The following SERINC5 variants were observed in gnomAD, a reference collection of about 807,000 sequenced individuals.
SERINC5 encodes serine incorporator 5.
In SERINC5, 41 loss-of-function variants were observed where a neutral mutation model predicts 63.1. The ratio of observed to expected loss-of-function variants is 0.65; its 90% confidence interval spans 0.51 to 0.84. The LOEUF (loss-of-function observed/expected upper bound fraction) is 0.84. Among genes scored for constraint, SERINC5 ranks in the 40% least tolerant of loss-of-function variants. SERINC5 has a pLI of 0.00. For missense variants in SERINC5, 523 were observed against 573.0 expected, an observed-to-expected ratio of 0.91 and a Z score of 0.89; for synonymous variants, 222 against 215.2, an observed-to-expected ratio of 1.03 and a Z score of -0.28.
intron 2 of SERINC5, among the ~76,000 whole-genome samples, chr5:80,192,508 A>T (rs1749250227): frequency 6.6e-6 from 1 of 151,982 alleles, no homozygotes; most frequent in African/African-American, 2.4e-5. Flanking sequence ...ATGGGGTGGG[A>T]AGGAATGGAG....
chr5:80,207,103 A>G (rs902655078), intron 1 of SERINC5, among the ~76,000 whole-genome samples: 1 of 152,010 alleles, frequency 6.6e-6, no homozygotes, highest in Non-Finnish European at 1.5e-5. Flanking sequence ...GGTTCACACC[A>G]TTCTCCTGCC....
chr5:80,232,255 A>T lies in SERINC5; in HGVS notation c.27+23641T>A, dbSNP rs1580200491. The stretch of plus-strand genomic sequence containing the variant: ...CTGTCTCTACTAAAAATACAAAAAA[A>T]AAGCCGGGCGTGGTGGCAGGCCCCT... On this transcript the variant is annotated intron_variant, in intron 1 of 11. Coordinates refer to ENST00000507668, the MANE Select transcript of SERINC5 (RefSeq NM_001174072.3). Among the ~76,000 whole-genome samples, 3 of 150,038 alleles carry T rather than the reference A, an allele frequency of 2.0e-5. No individual in the cohort carries two copies. The East Asian group carries it at 6.0e-4, about 30-fold the overall frequency.
At chr5:80,221,258 G>T (rs1750891446) in intron 1 of SERINC5, among the ~76,000 whole-genome samples, 1 of 152,148 alleles carries the variant, frequency 6.6e-6, no homozygotes, top group African/African-American at 2.4e-5. Flanking sequence ...CCGACAGCAG[G>T]CACATTTAAC....
intron 2 of SERINC5, among the ~76,000 whole-genome samples, chr5:80,181,416 T>TTTGTGTGTGTGTGTGTGTGTG: frequency 6.9e-6 from 1 of 145,446 alleles, no homozygotes; most frequent in South Asian, 2.3e-4. Context: ...TCAGCTAATT[T>TTTGTGTGTGTGTGTGTGTGTG]TGTGTGTGTG....
chr5:80,207,470 A>G (rs553405580), intron 1 of SERINC5, among the ~76,000 whole-genome samples: 1 of 152,342 alleles, frequency 6.6e-6, no homozygotes, highest in African/African-American at 2.4e-5. Context: ...AGATACAAAC[A>G]TCACTGTGAG....
downstream of SERINC5, among the ~76,000 whole-genome samples, chr5:80,136,278 A>G (rs1009591593): frequency 7.4e-6 from 1 of 135,930 alleles, no homozygotes; most frequent in African/African-American, 3.0e-5. Context: ...CCTCGTCTCA[A>G]AAAAACAAAA....
At chr5:80,164,355 T>A (rs1360764674) in intron 7 of SERINC5, among the ~76,000 whole-genome samples, 1 of 151,678 alleles carries the variant, frequency 6.6e-6, no homozygotes, top group African/African-American at 2.4e-5. Context: ...GAGGGGGGTC[T>A]TTATTTTATT....
chr5:80,166,566 T>C, intron 6 of SERINC5, 88 bp from the exon 7 acceptor site: 4 of 773,346 alleles, frequency 5.2e-6, no homozygotes, highest in Non-Finnish European at 8.6e-6. Context: ...CCCATGACAG[T>C]CCTCAAACTT....
At chr5:80,136,724 T>A (rs1745192277), downstream of SERINC5, among the ~76,000 whole-genome samples, 1 of 152,200 alleles carries the variant, frequency 6.6e-6, no homozygotes, top group African/African-American at 2.4e-5. Context: ...ATATTCAAGA[T>A]ATATAAGAAA....
intron 1 of SERINC5, among the ~76,000 whole-genome samples, chr5:80,236,985 C>G (rs7737310): frequency 1.3e-5 from 2 of 151,974 alleles, no homozygotes; most frequent in Middle Eastern, 3.2e-3. Flanking sequence ...GCCATCATGC[C>G]GGGCTAACTT....
rs551932073 is a variant in SERINC5 at position 80,154,371 on chromosome 5, G to T, written c.987-3423C>A. On this transcript the variant is annotated intron_variant, in intron 8 of 11. Coordinates refer to ENST00000507668, the MANE Select transcript of SERINC5 (RefSeq NM_001174072.3). The stretch of plus-strand genomic sequence containing the variant: ...ATTTTGTATTTTTAGTACAGATGGG[G>T]TTTCTCCATTTTGGTCAGGCTGGTC... Among the ~76,000 whole-genome samples the T allele has an allele frequency of 1.7e-3, 258 of 152,254 alleles. 2 individuals are homozygous for T. The highest frequency in any genetic ancestry group is 9.1e-4 in the Non-Finnish European group (62 of 68,016).
chr5:80,130,667 T>C (rs1032593758), intron 11 of SERINC5, among the ~76,000 whole-genome samples: 7 of 152,206 alleles, frequency 4.6e-5, no homozygotes, highest in Non-Finnish European at 4.4e-5. Flanking sequence ...TCCCATTCCC[T>C]AAATAGAGTT....
chr5:80,209,211 C>T (rs1478362864), intron 1 of SERINC5, among the ~76,000 whole-genome samples: 1 of 152,168 alleles, frequency 6.6e-6, no homozygotes, highest in African/African-American at 2.4e-5. Flanking sequence ...GCAGAGGTTG[C>T]AGTGAGCCGA....
rs1745564426 is a variant in SERINC5 at position 80,142,396 on chromosome 5, C to T, written c.*1267G>A. On this transcript the variant is annotated 3_prime_UTR_variant, in exon 12 of 12. Coordinates refer to ENST00000507668, the MANE Select transcript of SERINC5 (RefSeq NM_001174072.3). ...TACAGGCACACGCTACCATGCCCGG[C>T]TAATTTTTCTATTTTTAATAGAGAC... 6.9e-6 allele frequency: 6 copies of T among 874,962 alleles called. No homozygotes were observed. Among genetic ancestry groups the T allele is most frequent in the Non-Finnish European group, 6.9e-6 (5 of 729,230 alleles). 54.2% of individuals were successfully genotyped at this position (874,962 alleles called of 1,614,324 possible).
intron 7 of SERINC5, among the ~76,000 whole-genome samples, chr5:80,162,547 A>T (rs1747012377): frequency 6.6e-6 from 1 of 151,740 alleles, no homozygotes; most frequent in South Asian, 2.1e-4. Context: ...CTAATTTGTA[A>T]ATTTTTTGTA....
intron 2 of SERINC5, among the ~76,000 whole-genome samples, chr5:80,202,055 T>C (rs1233544849): frequency 6.6e-6 from 1 of 152,008 alleles, no homozygotes; most frequent in Non-Finnish European, 1.5e-5. Context: ...CTGGCCAACA[T>C]GGTGAAACCC....
chr5:80,252,701 CT>C (rs1251305960), intron 1 of SERINC5, among the ~76,000 whole-genome samples: 147 of 151,914 alleles, frequency 9.7e-4, no homozygotes, highest in Non-Finnish European at 1.4e-3. Context: ...AGACTTTACA[CT>C]TATCATCACA....
chr5:80,138,837 CTAACT>C lies in SERINC5; in HGVS notation c.*4821_*4825del. ...TGAAGGCAACATCTCTGCAAAACAACTAACTTGAGTACTTTAATTATATATGTATC... is the reference window on the plus strand; with the variant it reads ...TGAAGGCAACATCTCTGCAAAACAACTGAGTACTTTAATTATATATGTATC... On this transcript the variant is annotated 3_prime_UTR_variant, in exon 12 of 12. Transcript: ENST00000507668. The C allele has an allele frequency of 2.0e-6, 2 of 983,788 alleles. No individual in the cohort carries two copies. Among genetic ancestry groups the C allele is most frequent in the South Asian group, 4.7e-5 (1 of 21,230 alleles). 60.9% of individuals were successfully genotyped at this position (983,788 alleles called of 1,614,324 possible).
chr5:80,210,158 T>G (rs1750367936), intron 1 of SERINC5, among the ~76,000 whole-genome samples: 2 of 152,262 alleles, frequency 1.3e-5, no homozygotes, highest in South Asian at 2.1e-4. Flanking sequence ...TGAAGAAGCT[T>G]CCCCTCCCGC....
Sources: gnomAD v4.1 joint callset for allele counts (sites outside exome capture counted in the v4.1 genomes callset) on GRCh38, gnomAD v4.1.1 for gene constraint, MANE v1.5 for transcripts, NCBI Gene and HGNC (gene_info 2026-07-23, HGNC 2026-07-21) for gene names.